Variants in LSM14B observed in about 807,000 individuals in gnomAD.
The protein encoded by LSM14B is LSM family member 14B.
A neutral mutation model predicts 42.1 loss-of-function variants in LSM14B; 8 were observed. The ratio of observed to expected loss-of-function variants is 0.19; its 90% CI spans 0.11 to 0.34. The LOEUF is 0.34. Ranked by LOEUF, LSM14B falls within the 10% of genes least tolerant of loss-of-function variation. The pLI, the probability that LSM14B is intolerant of heterozygous loss-of-function variation, is 1.00. For missense variants in LSM14B, 396 were observed against 513.1 expected (o/e 0.77, Z 2.21); for synonymous variants, 219 against 209.7 (o/e 1.04, Z -0.38).
intron 7 of LSM14B, among the ~76,000 whole-genome samples, chr20:62,132,042 G>A (rs990149328): frequency 1.3e-5 from 2 of 152,238 alleles, no homozygotes; most frequent in African/African-American, 4.8e-5. Flanking sequence ...GGAAACTTGG[G>A]CCCATTTGTC....
Sources: allele counts gnomAD v4.1 joint callset (sites outside exome capture counted in the v4.1 genomes callset), GRCh38; gene constraint gnomAD v4.1.1; transcripts MANE v1.5; gene names NCBI Gene and HGNC (gene_info 2026-07-23, HGNC 2026-07-21).